The following MORN4 variants were observed in gnomAD, a reference collection of about 807,000 sequenced individuals.
MORN4 encodes the protein MORN repeat containing 4.
MORN4 carries 8 observed loss-of-function variants against 16.4 expected under a neutral mutation model. That is an observed-to-expected ratio of 0.49 (90% CI 0.29 to 0.88). The LOEUF is 0.88. Ranked by LOEUF, MORN4 falls within the 40% of genes least tolerant of loss-of-function variation. The pLI is 0.09. For synonymous variants in MORN4, 53 were observed against 68.9 expected, an observed-to-expected ratio of 0.77 and a Z score of 1.14; for missense variants, 159 against 182.9, an observed-to-expected ratio of 0.87 and a Z score of 0.75.
chr10:97,623,426 C>T lies in MORN4; in HGVS notation c.-30-3743G>A, dbSNP rs540496423. Among the ~76,000 whole-genome samples, 25 of 152,124 alleles carry T rather than the reference C, an allele frequency of 1.6e-4. 1 individual carries two copies. The highest frequency in any genetic ancestry group is 1.0e-3 in the South Asian group (5 of 4,810). On this transcript the variant is annotated intron_variant, in intron 1 of 4. Coordinates refer to ENST00000307450, the MANE Select transcript of MORN4 (RefSeq NM_178832.4). The stretch of plus-strand genomic sequence containing the variant: ...TGCCACTACAGCCTGGGTGACAGAG[C>T]GAGACCCTGTCCCCCTCCAAAAAAA...
At chr10:97,625,382 G>A (rs1026668223) in intron 1 of MORN4, among the ~76,000 whole-genome samples, 16 of 152,184 alleles carry the variant, frequency 1.1e-4, no homozygotes, top group African/African-American at 3.4e-4. Flanking sequence ...GATAAGATAT[G>A]TATTTCACAT....
At chr10:97,633,998 A>G (rs2041420202), upstream of MORN4, among the ~76,000 whole-genome samples, 1 of 152,214 alleles carries the variant, frequency 6.6e-6, no homozygotes, top group South Asian at 2.1e-4. The surrounding 1 kb of genome is among the most constrained non-coding windows in gnomAD (Gnocchi z 4.5). Flanking sequence ...TGTTTAAAAT[A>G]TAGTACCTGG....
Position 97,633,366 on chromosome 10 carries a change from AT to A in MORN4, c.-51del. The A allele has an allele frequency of 7.8e-7, 1 of 1,289,728 alleles. No homozygotes were observed. The highest frequency in any genetic ancestry group is 1.2e-5 in the South Asian group (1 of 81,008). 79.9% of individuals were successfully genotyped at this position (1,289,728 alleles called of 1,614,324 possible). ...GCCAACCTGGGGCCGGCCTTTCGGG[AT>A]GACCGTCACGCCTGGACGCAGGGTT... On this transcript the variant is annotated 5_prime_UTR_variant, in exon 1 of 5. An upstream open reading frame in the 5' UTR loses its in-frame stop. Transcript: ENST00000307450. This position sits in a 1 kb window ranked among gnomAD's most constrained non-coding sequence, Gnocchi z 4.5.
At position 97,633,095 on chromosome 10, in the gene MORN4, G is replaced by A. The variant is rs911238208; in HGVS notation, c.-31+252C>T. On this transcript the variant is annotated intron_variant, in intron 1 of 4. Coordinates refer to ENST00000307450, the MANE Select transcript of MORN4 (RefSeq NM_178832.4). The surrounding 1 kb of genome is among the most constrained non-coding windows in gnomAD (Gnocchi z 4.5). ...CAGGGTCTAACGCTCACACAGGTCTGCCAATTCCCCTGATGCAACCCTCCA... is the reference window on the plus strand; with the variant it reads ...CAGGGTCTAACGCTCACACAGGTCTACCAATTCCCCTGATGCAACCCTCCA... Among the ~76,000 whole-genome samples, 1 of 152,154 alleles carries A rather than the reference G, an allele frequency of 6.6e-6. No individual in the cohort carries two copies. Among genetic ancestry groups the A allele is most frequent in the African/African-American group, 2.4e-5 (1 of 41,434 alleles).
rs757165240 is a variant in MORN4, at chr10:97,616,259, G to A, written c.*4C>T. 1.1e-5 allele frequency: 17 copies of A among 1,583,402 alleles called. No individual in the cohort carries two copies. The highest frequency in any genetic ancestry group is 1.4e-5 in the African/African-American group (1 of 73,674). Reference sequence around the variant, plus strand: ...ATACTTATCAGCTGGTGCCCACTGCGCTGTCAGGCAGTGAGATTTCTGGCT... The same window carrying A: ...ATACTTATCAGCTGGTGCCCACTGCACTGTCAGGCAGTGAGATTTCTGGCT... On this transcript the variant is annotated 3_prime_UTR_variant, in exon 5 of 5. Coordinates refer to ENST00000307450, the MANE Select transcript of MORN4 (RefSeq NM_178832.4).
chr10:97,616,698 T>C lies in MORN4; in HGVS notation c.272A>G (p.Asn91Ser). 6.2e-7 allele frequency: 1 copy of C among 1,613,800 alleles called. No individual in the cohort carries two copies. The highest frequency in any genetic ancestry group is 1.1e-5 in the South Asian group (1 of 91,072). Residue 91 changes from asparagine (N) to serine (S), a missense_variant, in exon 4 of 5, where the codon AAT (asparagine) becomes AGT (serine). Transcript: ENST00000307450. Reference protein sequence around the residue: ...DNMTFEGEFKNGRVDGFGLLT... With the variant: ...DNMTFEGEFKSGRVDGFGLLT... ...CTTACCAAAACCATCTACTCTGCCATTTTTAAATTCCCCCTCAAAGGTCAT... is the reference window on the plus strand; with the variant it reads ...CTTACCAAAACCATCTACTCTGCCACTTTTAAATTCCCCCTCAAAGGTCAT...
intron 1 of MORN4, among the ~76,000 whole-genome samples, chr10:97,630,350 AGCCACCGCGCCTG>A (rs1222890285): frequency 2.0e-5 from 3 of 152,176 alleles, no homozygotes; most frequent in Non-Finnish European, 4.4e-5. Context: ...TACAGGCATG[AGCCACCGCGCCTG>A]GCCACAGTAT....
At chr10:97,618,586 G>A (rs182999818) in intron 2 of MORN4, among the ~76,000 whole-genome samples, 1 of 152,260 alleles carries the variant, frequency 6.6e-6, no homozygotes, top group East Asian at 1.9e-4. Context: ...CTGAGGCTCT[G>A]CTGGGTGGGC....
At chr10:97,620,830 A>G (rs1393892843) in intron 1 of MORN4, among the ~76,000 whole-genome samples, 1 of 152,024 alleles carries the variant, frequency 6.6e-6, no homozygotes, top group Non-Finnish European at 1.5e-5. Context: ...AAAATTAAAA[A>G]ACAAAAAATA....
At chr10:97,632,194 A>G (rs1359747609) in intron 1 of MORN4, among the ~76,000 whole-genome samples, 5 of 151,588 alleles carry the variant, frequency 3.3e-5, no homozygotes, top group Non-Finnish European at 7.4e-5. Flanking sequence ...CTAGAACAAA[A>G]AGTCAAATAA....
At chr10:97,619,378 A>G in intron 2 of MORN4, 1 of 595,080 alleles carries the variant, frequency 1.7e-6, no homozygotes, top group East Asian at 2.8e-5. Context: ...AAAGAAAGAT[A>G]TAACTCATTC....
intron 1 of MORN4, among the ~76,000 whole-genome samples, chr10:97,627,277 G>A (rs2041357060): frequency 6.6e-6 from 1 of 151,396 alleles, no homozygotes; most frequent in Non-Finnish European, 1.5e-5. Context: ...CTGAGTAGCT[G>A]GCATTACAGG....
chr10:97,626,386 A>C (rs112745338), intron 1 of MORN4, among the ~76,000 whole-genome samples: 44 of 44,940 alleles, frequency 9.8e-4, no homozygotes, highest in South Asian at 1.8e-3. Context: ...CAAAAATAAT[A>C]ATAATAATAA....
intron 1 of MORN4, among the ~76,000 whole-genome samples, chr10:97,620,743 C>T (rs58090494): frequency 0.03 from 4,532 of 151,618 alleles, 242 homozygotes; most frequent in African/African-American, 0.1. Flanking sequence ...TTTGGGAGGC[C>T]GAGGTGGGAG....
intron 2 of MORN4, among the ~76,000 whole-genome samples, chr10:97,618,784 G>GT (rs1201885742): frequency 4.1e-5 from 6 of 145,518 alleles, no homozygotes; most frequent in South Asian, 2.3e-4. Context: ...ATGGATACTG[G>GT]TTGTTTTTTT....
chr10:97,629,915 C>T (rs1238859206), intron 1 of MORN4, among the ~76,000 whole-genome samples: 43 of 148,866 alleles, frequency 2.9e-4, no homozygotes, highest in Non-Finnish European at 4.9e-4. Context: ...CTCGCCACCA[C>T]GCCCAGCTAA....
rs139672125 is a variant in MORN4 at position 97,630,388 on chromosome 10, G to A, written c.-31+2959C>T. Among the ~76,000 whole-genome samples, 199 of 152,260 alleles carry A rather than the reference G, an allele frequency of 1.3e-3. 1 individual carries two copies. Among genetic ancestry groups the A allele is most frequent in the African/African-American group, 4.6e-3 (190 of 41,558 alleles). ...GGCCACAGTATGGGTGTTTTAAGCT[G>A]CTAAATTCTGGGGTACTTTGTTATA... On this transcript the variant is annotated intron_variant, in intron 1 of 4. Coordinates refer to ENST00000307450, the MANE Select transcript of MORN4 (RefSeq NM_178832.4).
Position 97,633,373 on chromosome 10 carries a change from T to C in MORN4, c.-57A>G. 7.8e-7 allele frequency: 1 copy of C among 1,289,886 alleles called. No individual in the cohort carries two copies. The allele number at this position is 1,289,886 out of a possible 1,614,324, so 79.9% of individuals were successfully genotyped here. ...TGGGGCCGGCCTTTCGGGATGACCGTCACGCCTGGACGCAGGGTTCCAGCG... is the reference window on the plus strand; with the variant it reads ...TGGGGCCGGCCTTTCGGGATGACCGCCACGCCTGGACGCAGGGTTCCAGCG... On this transcript the variant is annotated 5_prime_UTR_variant, in exon 1 of 5. Transcript: ENST00000307450. This position sits in a 1 kb window ranked among gnomAD's most constrained non-coding sequence, Gnocchi z 4.5.
chr10:97,627,403 CA>C (rs1225795466), intron 1 of MORN4, among the ~76,000 whole-genome samples: 1 of 152,180 alleles, frequency 6.6e-6, no homozygotes, highest in Non-Finnish European at 1.5e-5. Context: ...CTCGGCCTCC[CA>C]AAGTGCTAGA....
Sources: gnomAD v4.1 joint callset for allele counts (sites outside exome capture counted in the v4.1 genomes callset) on GRCh38, gnomAD v4.1.1 for gene constraint, Gnocchi (gnomAD v3.1) non-coding constraint, MANE v1.5 for transcripts, NCBI Gene and HGNC (gene_info 2026-07-23, HGNC 2026-07-21) for gene names.